ADK: variants seen among roughly 807,000 people sequenced by gnomAD.
ADK encodes adenosine kinase.
In ADK, 24 loss-of-function variants were observed where a neutral mutation model predicts 44.7. The ratio of observed to expected loss-of-function variants is 0.54; its 90% CI spans 0.39 to 0.76. The LOEUF (loss-of-function observed/expected upper bound fraction) is 0.76, where lower values mean the gene tolerates loss of function less well. Ranked by LOEUF, ADK falls within the 30% of genes least tolerant of loss-of-function variation. ADK has a pLI of 0.00. For missense variants in ADK, 321 were observed against 425.1 expected (o/e 0.76, Z 2.15); for synonymous variants, 128 against 142.6 (o/e 0.90, Z 0.73).
chr10:74,346,368 A>G (rs1430833859), intron 4 of ADK, among the ~76,000 whole-genome samples: 1 of 152,176 alleles, frequency 6.6e-6, no homozygotes, highest in East Asian at 1.9e-4. Flanking sequence ...GTATACTTGC[A>G]ATGTAGGTAG....
chr10:74,362,264 T>C (rs1446483497), intron 4 of ADK, among the ~76,000 whole-genome samples: 1 of 152,146 alleles, frequency 6.6e-6, no homozygotes, highest in Non-Finnish European at 1.5e-5. Flanking sequence ...TTTCTTTTTT[T>C]TTCTCTTCTC....
At chr10:74,619,919 G>A (rs1178876744) in intron 9 of ADK, among the ~76,000 whole-genome samples, 5 of 152,070 alleles carry the variant, frequency 3.3e-5, no homozygotes, top group East Asian at 1.9e-4. Context: ...ATGAGGTCTC[G>A]CTGTGTTGCC....
intron 9 of ADK, chr10:74,655,865 C>G (rs964215312): frequency 1.0e-5 from 6 of 588,896 alleles, no homozygotes; most frequent in Non-Finnish European, 1.9e-5. Context: ...ACCAGGAAGC[C>G]AGGCTGGCAA....
Position 74,176,414 on chromosome 10 carries a change from A to G in ADK, c.66-24350A>G, listed in dbSNP as rs553802983. Reference sequence around the variant, plus strand: ...CCTGCCCTGACAGCGCCTCTTTCCTAAGTGCTGTTACAGGGAGCTGAGCTT... The same window carrying G: ...CCTGCCCTGACAGCGCCTCTTTCCTGAGTGCTGTTACAGGGAGCTGAGCTT... On this transcript the variant is annotated intron_variant, in intron 1 of 10. Coordinates refer to ENST00000539909, the MANE Select transcript of ADK (RefSeq NM_006721.4). 32 of 998,044 alleles carry G rather than the reference A, an allele frequency of 3.2e-5. No homozygotes were observed. The East Asian group carries it at 3.1e-3, about 97-fold the overall frequency. 61.8% of individuals were successfully genotyped at this position (998,044 alleles called of 1,614,324 possible).
chr10:74,243,574 C>T (rs1845305244), intron 3 of ADK, among the ~76,000 whole-genome samples: 1 of 152,198 alleles, frequency 6.6e-6, no homozygotes, highest in African/African-American at 2.4e-5. Flanking sequence ...CTTATTTAGA[C>T]ACATCGAAAT....
At chr10:74,549,175 G>A (rs922651990) in intron 7 of ADK, among the ~76,000 whole-genome samples, 1 of 152,092 alleles carries the variant, frequency 6.6e-6, no homozygotes, top group Non-Finnish European at 1.5e-5. Flanking sequence ...ATAAATATGA[G>A]TACTGTAAGG....
chr10:74,167,125 G>C (rs1409435836), intron 1 of ADK, among the ~76,000 whole-genome samples: 1 of 152,044 alleles, frequency 6.6e-6, no homozygotes, highest in African/African-American at 2.4e-5. Context: ...TATGTATAGG[G>C]TACTGGGTTA....
At chr10:74,696,245 T>C (rs1856196929) in intron 10 of ADK, among the ~76,000 whole-genome samples, 1 of 152,066 alleles carries the variant, frequency 6.6e-6, no homozygotes, top group African/African-American at 2.4e-5. Flanking sequence ...GGTCTCGAAC[T>C]CCTGACCTCA....
At chr10:74,560,578 A>G (rs532673731) in intron 7 of ADK, among the ~76,000 whole-genome samples, 5 of 152,364 alleles carry the variant, frequency 3.3e-5, no homozygotes, top group African/African-American at 7.2e-5. Flanking sequence ...ATGTACAGCA[A>G]TAGTAAAAAC....
In ADK at chr10:74,698,585, ACTCT is replaced by A. The variant is rs759148661; in HGVS notation, c.965-9730_965-9727del. Among the ~76,000 whole-genome samples the A allele has an allele frequency of 2.1e-3, 312 of 152,110 alleles. 1 individual carries two copies. Among genetic ancestry groups the A allele is most frequent in the Admixed American group, 6.8e-3 (104 of 15,272 alleles). On this transcript the variant is annotated intron_variant, in intron 10 of 10. Coordinates refer to ENST00000539909, the MANE Select transcript of ADK (RefSeq NM_006721.4). ...TTTGTTTTGTTTGAGATAGTGTCTC[ACTCT>A]CTCTCCCATTCTGGAGTGCAGTGGA...
chr10:74,336,851 G>A lies in ADK; in HGVS notation c.273+22106G>A, dbSNP rs78040233. On this transcript the variant is annotated intron_variant, in intron 4 of 10. Transcript: ENST00000539909. The stretch of plus-strand genomic sequence containing the variant: ...ATGCTAAGTAAATACTTGTTATACT[G>A]TGTTATTTAGGGAATAATGACAAGA... 1.5e-3 allele frequency among the ~76,000 whole-genome samples: 233 copies of A among 152,218 alleles called. 1 individual carries two copies. The East Asian group carries it at 0.025, about 16-fold the overall frequency.
At chr10:74,702,572 C>CT in intron 10 of ADK, among the ~76,000 whole-genome samples, 1 of 145,944 alleles carries the variant, frequency 6.9e-6, no homozygotes, top group Non-Finnish European at 1.5e-5. Flanking sequence ...TCCTTCCTTC[C>CT]TCTCTCTCTC....
chr10:74,267,876 C>G (rs762266064), intron 3 of ADK, among the ~76,000 whole-genome samples: 6 of 151,278 alleles, frequency 4.0e-5, no homozygotes, highest in Non-Finnish European at 8.8e-5. Flanking sequence ...GGTTCCATAT[C>G]TACTCTGCAA....
intron 6 of ADK, among the ~76,000 whole-genome samples, chr10:74,520,345 C>T (rs1487665612): frequency 6.6e-6 from 1 of 151,276 alleles, no homozygotes; most frequent in East Asian, 1.9e-4. Flanking sequence ...CACCATGTAT[C>T]CACAGTTGAT....
At chr10:74,627,899 AGTGCTCGGATTATAG>A (rs1853271462) in intron 9 of ADK, among the ~76,000 whole-genome samples, 1 of 152,166 alleles carries the variant, frequency 6.6e-6, no homozygotes, top group Non-Finnish European at 1.5e-5. Flanking sequence ...GGCCTACCAA[AGTGCTCGGATTATAG>A]GTGTGAGCCA....
chr10:74,572,973 T>C (rs559181029), intron 7 of ADK, among the ~76,000 whole-genome samples: 2 of 152,204 alleles, frequency 1.3e-5, no homozygotes, highest in African/African-American at 4.8e-5. Flanking sequence ...TCGGAGTAGT[T>C]TGATCATCTG....
chr10:74,152,723 T>A (rs1238769851), intron 1 of ADK, among the ~76,000 whole-genome samples: 2 of 152,216 alleles, frequency 1.3e-5, no homozygotes, highest in Non-Finnish European at 2.9e-5. Context: ...ATTATGCCTA[T>A]TTTACAATTG....
chr10:74,566,883 T>C (rs1338056949), intron 7 of ADK, among the ~76,000 whole-genome samples: 1 of 152,250 alleles, frequency 6.6e-6, no homozygotes, highest in African/African-American at 2.4e-5. Flanking sequence ...TATTTAAATC[T>C]ACTCACTGAC....
intron 7 of ADK, among the ~76,000 whole-genome samples, chr10:74,543,693 AT>A (rs1370775756): frequency 2.0e-5 from 3 of 152,222 alleles, no homozygotes; most frequent in African/African-American, 7.2e-5. Flanking sequence ...GTTATCAATT[AT>A]TAAGCATTGC....
Sources: allele counts gnomAD v4.1 joint callset (sites outside exome capture counted in the v4.1 genomes callset), GRCh38; gene constraint gnomAD v4.1.1; transcripts MANE v1.5; gene names NCBI Gene and HGNC (gene_info 2026-07-23, HGNC 2026-07-21).